The following PPM1E variants were observed in gnomAD, a reference collection of about 807,000 sequenced individuals.
PPM1E encodes protein phosphatase, Mg2+/Mn2+ dependent 1E, also known as protein phosphatase 1E.
PPM1E carries 20 observed loss-of-function variants against 65.9 expected under a neutral mutation model. The observed-to-expected ratio is 0.30, with a 90% CI of 0.21 to 0.44. The LOEUF is 0.44. PPM1E is among the 20% of genes least tolerant of loss of function. The pLI is 1.00. For synonymous variants in PPM1E, 352 were observed against 374.9 expected (o/e 0.94, Z 0.70); for missense variants, 713 against 953.1 (o/e 0.75, Z 3.32).
intron 1 of PPM1E, among the ~76,000 whole-genome samples, chr17:58,767,064 G>T (rs980966510): frequency 1.3e-5 from 2 of 152,068 alleles, no homozygotes; most frequent in Non-Finnish European, 2.9e-5. Flanking sequence ...GGATTGATAA[G>T]TATCTTTCTG....
intron 1 of PPM1E, among the ~76,000 whole-genome samples, chr17:58,778,166 C>T (rs1339713374): frequency 1.3e-5 from 2 of 151,984 alleles, no homozygotes; most frequent in East Asian, 3.9e-4. Context: ...GTGGCCTGAT[C>T]TCGGCTCCCT....
intron 1 of PPM1E, among the ~76,000 whole-genome samples, chr17:58,807,853 A>G (rs1169744472): frequency 1.3e-5 from 2 of 152,210 alleles, no homozygotes; most frequent in Non-Finnish European, 2.9e-5. Context: ...AAGCATTTAC[A>G]CATACCAGAC....
chr17:58,886,751 AC>A (rs2143413316), intron 1 of PPM1E, among the ~76,000 whole-genome samples: 1 of 152,360 alleles, frequency 6.6e-6, no homozygotes, highest in Non-Finnish European at 1.5e-5. Context: ...ACATCTGTGA[AC>A]TTCAGAAACA....
At chr17:58,767,806 C>A (rs567107702) in intron 1 of PPM1E, among the ~76,000 whole-genome samples, 2 of 152,082 alleles carry the variant, frequency 1.3e-5, no homozygotes, top group Admixed American at 6.6e-5. Context: ...CCACGCTGGG[C>A]TAATTTTGTA....
At chr17:58,916,648 G>T (rs541708509) in intron 1 of PPM1E, among the ~76,000 whole-genome samples, 3 of 152,124 alleles carry the variant, frequency 2.0e-5, no homozygotes, top group African/African-American at 7.2e-5. Context: ...AATTATGACA[G>T]AAGCTAACTA....
chr17:58,973,915 G>C (rs2030822937), intron 6 of PPM1E, among the ~76,000 whole-genome samples: 1 of 136,334 alleles, frequency 7.3e-6, no homozygotes, highest in Admixed American at 8.4e-5. Flanking sequence ...TCGCGCCACT[G>C]CGCTCCAGGC....
intron 1 of PPM1E, among the ~76,000 whole-genome samples, chr17:58,868,603 A>G (rs1242665680): frequency 2.2e-5 from 3 of 139,498 alleles, no homozygotes; most frequent in East Asian, 4.2e-4. Flanking sequence ...GCAATGCAGG[A>G]GATTGGGTCA....
At chr17:58,819,950 C>T (rs557057399) in intron 1 of PPM1E, among the ~76,000 whole-genome samples, 2 of 152,084 alleles carry the variant, frequency 1.3e-5, no homozygotes, top group South Asian at 2.1e-4. Flanking sequence ...GGCAGGAGAA[C>T]GGCTTCAATC....
At position 58,972,826 on chromosome 17, in the gene PPM1E, G is replaced by T; in HGVS notation, c.1117-6G>T. ...ATTTGCTTCTTTTTATTGCATTGCTGTTTAGGATGAAAAGCAGAGAATTGA... is the reference window on the plus strand; with the variant it reads ...ATTTGCTTCTTTTTATTGCATTGCTTTTTAGGATGAAAAGCAGAGAATTGA... On this transcript the variant is annotated splice_polypyrimidine_tract_variant and splice_region_variant and intron_variant, in intron 5 of 6. Transcript: ENST00000308249. 1 of 1,610,446 alleles carries T rather than the reference G, an allele frequency of 6.2e-7. No individual in the cohort carries two copies. The highest frequency in any genetic ancestry group is 8.5e-7 in the Non-Finnish European group (1 of 1,176,894).
Position 58,766,724 on chromosome 17 carries a change from AT to A in PPM1E, c.464+10264del, listed in dbSNP as rs200993131. Among the ~76,000 whole-genome samples, 934 of 152,262 alleles carry A rather than the reference AT, an allele frequency of 6.1e-3. 8 individuals carry two copies. Among genetic ancestry groups the A allele is most frequent in the African/African-American group, 0.021 (863 of 41,566 alleles). On this transcript the variant is annotated intron_variant, in intron 1 of 6. Transcript: ENST00000308249. ...CAATCTAATATGTTATTACATAAAT[AT>A]GAGATGACAATCATTAAATTCAGCT...
intron 1 of PPM1E, among the ~76,000 whole-genome samples, chr17:58,916,642 A>G (rs1449893315): frequency 1.3e-5 from 2 of 152,112 alleles, no homozygotes; most frequent in Admixed American, 1.3e-4. Flanking sequence ...GAAAGAAATT[A>G]TGACAGAAGC....
At chr17:58,945,221 T>C (rs553062203) in intron 1 of PPM1E, among the ~76,000 whole-genome samples, 95 of 152,048 alleles carry the variant, frequency 6.2e-4, no homozygotes, top group African/African-American at 2.3e-3. Flanking sequence ...CTCTGCTTAC[T>C]GCAACCTCCA....
chr17:58,983,042 G>A lies in PPM1E; in HGVS notation c.*2011G>A. On this transcript the variant is annotated 3_prime_UTR_variant, in exon 7 of 7. Coordinates refer to ENST00000308249, the MANE Select transcript of PPM1E (RefSeq NM_014906.5). ...ATTGTTGTCTATTGGTAATGTTTTT[G>A]ATCAGAATAAAGAGGGTAAAGGGAA... 2.1e-6 allele frequency: 2 copies of A among 954,398 alleles called. No homozygotes were observed. The highest frequency in any genetic ancestry group is 3.1e-6 in the Non-Finnish European group (2 of 637,608). The allele number at this position is 954,398 out of a possible 1,614,324, so 59.1% of individuals were successfully genotyped here.
chr17:58,763,696 T>G (rs1473484914), intron 1 of PPM1E, among the ~76,000 whole-genome samples: 1 of 152,170 alleles, frequency 6.6e-6, no homozygotes, highest in Non-Finnish European at 1.5e-5. Flanking sequence ...CCAGCAGTAC[T>G]GTATGAGGAG....
intron 1 of PPM1E, among the ~76,000 whole-genome samples, chr17:58,924,599 G>A (rs546388997): frequency 3.9e-5 from 6 of 152,232 alleles, no homozygotes; most frequent in Non-Finnish European, 8.8e-5. Context: ...CGGGATACAA[G>A]TGCAGAACAT....
At chr17:58,949,091 G>GAATTGCAAT (rs1012641019) in intron 1 of PPM1E, among the ~76,000 whole-genome samples, 2 of 152,140 alleles carry the variant, frequency 1.3e-5, no homozygotes, top group African/African-American at 4.8e-5. Context: ...ATGCTGAGTT[G>GAATTGCAAT]GGTGTTGAAG....
intron 1 of PPM1E, among the ~76,000 whole-genome samples, chr17:58,923,705 C>T (rs1373019152): frequency 3.4e-5 from 5 of 147,672 alleles, no homozygotes; most frequent in Non-Finnish European, 5.9e-5. Context: ...TGAGATCGCA[C>T]TACTGCACTC....
At chr17:58,949,275 C>T (rs775579104) in intron 1 of PPM1E, among the ~76,000 whole-genome samples, 23 of 152,146 alleles carry the variant, frequency 1.5e-4, no homozygotes, top group Admixed American at 5.9e-4. Context: ...TTATAGCTTT[C>T]GACTTAAAGT....
intron 1 of PPM1E, among the ~76,000 whole-genome samples, chr17:58,764,581 A>G (rs2049855110): frequency 6.6e-6 from 1 of 151,960 alleles, no homozygotes; most frequent in African/African-American, 2.4e-5. Context: ...CAGTACAGGC[A>G]TGTGCCGTCA....
Sources: allele counts gnomAD v4.1 joint callset (sites outside exome capture counted in the v4.1 genomes callset), GRCh38; gene constraint gnomAD v4.1.1; transcripts MANE v1.5; gene names NCBI Gene and HGNC (gene_info 2026-07-23, HGNC 2026-07-21).